EYS: variants seen among roughly 807,000 people sequenced by gnomAD.
EYS encodes EGF-like photoreceptor maintenance factor.
A neutral mutation model predicts 282.1 loss-of-function variants in EYS; 250 were observed. The observed-to-expected ratio is 0.89, with a 90% confidence interval of 0.80 to 0.98. The LOEUF is 0.98. Ranked by LOEUF, EYS falls within the 50% of genes least tolerant of loss-of-function variation. The pLI is 0.00. For missense variants in EYS, 4,016 were observed against 3,709.0 expected (o/e 1.08, Z -2.15); for synonymous variants, 1,355 against 1,282.9 (o/e 1.06, Z -1.20).
intron 41 of EYS, among the ~76,000 whole-genome samples, chr6:63,758,868 A>G (rs1275150298): frequency 6.6e-6 from 1 of 152,040 alleles, no homozygotes; most frequent in Admixed American, 6.6e-5. Flanking sequence ...ATCATTGTCA[A>G]TCATCTCAGT....
At chr6:65,397,021 C>A (rs1247220944) in intron 7 of EYS, among the ~76,000 whole-genome samples, 1 of 151,790 alleles carries the variant, frequency 6.6e-6, no homozygotes, top group Admixed American at 6.6e-5. Context: ...TTTTTATCAT[C>A]CTAACTCATG....
intron 35 of EYS, among the ~76,000 whole-genome samples, chr6:63,917,643 G>C (rs1764459711): frequency 6.6e-6 from 1 of 152,168 alleles, no homozygotes; most frequent in Admixed American, 6.5e-5. Context: ...AATGTCAAAT[G>C]GCAGGAATTG....
intron 41 of EYS, among the ~76,000 whole-genome samples, chr6:63,758,469 A>G (rs889191649): frequency 6.6e-6 from 1 of 151,964 alleles, no homozygotes; most frequent in African/African-American, 2.4e-5. Flanking sequence ...TCTCTGTAGG[A>G]GGCGACTAAT....
At chr6:63,880,894 A>T (rs932061910) in intron 35 of EYS, among the ~76,000 whole-genome samples, 2 of 152,316 alleles carry the variant, frequency 1.3e-5, no homozygotes, top group African/African-American at 4.8e-5. Flanking sequence ...TTTAAAAGCC[A>T]TGTACAATGG....
At chr6:64,523,153 G>A (rs1161382916) in intron 26 of EYS, among the ~76,000 whole-genome samples, 1 of 151,388 alleles carries the variant, frequency 6.6e-6, no homozygotes, top group African/African-American at 2.4e-5. Context: ...CTCTTGTTTT[G>A]CTACTCATGG....
intron 19 of EYS, among the ~76,000 whole-genome samples, chr6:64,825,138 A>G (rs191362902): frequency 5.3e-5 from 8 of 152,024 alleles, no homozygotes; most frequent in Admixed American, 3.9e-4. Context: ...TTGTACTTTT[A>G]TTCCCTTTCT....
intron 26 of EYS, among the ~76,000 whole-genome samples, chr6:64,576,662 T>A (rs1765890655): frequency 1.3e-5 from 2 of 152,058 alleles, no homozygotes; most frequent in African/African-American, 4.8e-5. Context: ...CTTTTAAGCT[T>A]TCAAACAAAA....
chr6:64,444,422 T>C (rs1451139314), intron 26 of EYS, among the ~76,000 whole-genome samples: 1 of 152,166 alleles, frequency 6.6e-6, no homozygotes, highest in Non-Finnish European at 1.5e-5. Context: ...TTATAGCTTT[T>C]AGAAAGAAAT....
chr6:63,740,495 A>T (rs560175251), intron 41 of EYS, among the ~76,000 whole-genome samples: 1 of 152,192 alleles, frequency 6.6e-6, no homozygotes, highest in Non-Finnish European at 1.5e-5. Context: ...ACTAATACAG[A>T]TCCTGACTTT....
At chr6:65,567,661 G>T (rs1764324367) in intron 2 of EYS, among the ~76,000 whole-genome samples, 1 of 151,890 alleles carries the variant, frequency 6.6e-6, no homozygotes, top group Non-Finnish European at 1.5e-5. Flanking sequence ...CCTTACACTT[G>T]GTGAAGTTAT....
At chr6:64,151,681 G>A (rs1774744931) in intron 31 of EYS, among the ~76,000 whole-genome samples, 1 of 151,762 alleles carries the variant, frequency 6.6e-6, no homozygotes, top group South Asian at 2.1e-4. Flanking sequence ...ATTTAAATAA[G>A]TATATATATC....
chr6:65,696,900 AAAGGT>A (rs1769476229), intron 1 of EYS, among the ~76,000 whole-genome samples: 1 of 152,052 alleles, frequency 6.6e-6, no homozygotes, highest in Non-Finnish European at 1.5e-5. Context: ...TTCTTCTGCT[AAAGGT>A]AAGAGCTATC....
chr6:65,604,071 T>C (rs1378871954), intron 2 of EYS, among the ~76,000 whole-genome samples: 6 of 151,918 alleles, frequency 3.9e-5, no homozygotes, highest in Admixed American at 3.9e-4. Context: ...ATAGGAATAC[T>C]GACTTATTAT....
chr6:65,532,339 A>AAG (rs1345775377), intron 2 of EYS, among the ~76,000 whole-genome samples: 8 of 152,146 alleles, frequency 5.3e-5, no homozygotes, highest in Non-Finnish European at 4.4e-5. Context: ...TCAAGTCATA[A>AAG]TATTTTTCTT....
At position 65,367,981 on chromosome 6, in the gene EYS, T is replaced by G. The variant is rs146734653; in HGVS notation, c.1300-14364A>C. On this transcript the variant is annotated intron_variant, in intron 8 of 42. Transcript: ENST00000503581. ...TGGGTAATTTATAAGGGATAGAGAT[T>G]TAATTGCCTCACAGTTCAGCATGGG... Among the ~76,000 whole-genome samples the G allele has an allele frequency of 6.6e-3, 1,002 of 151,742 alleles. 94 individuals carry two copies. Among genetic ancestry groups the G allele is most frequent in the Admixed American group, 0.062 (920 of 14,926 alleles).
chr6:64,235,315 C>T (rs1006648396), intron 30 of EYS, among the ~76,000 whole-genome samples: 1 of 150,892 alleles, frequency 6.6e-6, no homozygotes, highest in African/African-American at 2.4e-5. Flanking sequence ...GTTCAATTCC[C>T]ACCTATGAGT....
At chr6:65,328,343 A>G (rs1769682071) in intron 11 of EYS, among the ~76,000 whole-genome samples, 1 of 151,400 alleles carries the variant, frequency 6.6e-6, no homozygotes, top group African/African-American at 2.4e-5. Flanking sequence ...TCACCCAACC[A>G]TGTACTAGTA....
chr6:63,737,294 T>G (rs1431636505), intron 41 of EYS, among the ~76,000 whole-genome samples: 5 of 152,110 alleles, frequency 3.3e-5, no homozygotes, highest in Non-Finnish European at 7.3e-5. Flanking sequence ...GTTTTTAGCA[T>G]GAAGTGTTGT....
chr6:64,835,709 C>T (rs920980507), intron 19 of EYS, among the ~76,000 whole-genome samples: 4 of 151,534 alleles, frequency 2.6e-5, no homozygotes, highest in Admixed American at 6.6e-5. Context: ...TGGGTTTCAA[C>T]ACATAGAGTC....
Sources: allele counts gnomAD v4.1 joint callset (sites outside exome capture counted in the v4.1 genomes callset), GRCh38; gene constraint gnomAD v4.1.1; transcripts MANE v1.5; gene names NCBI Gene and HGNC (gene_info 2026-07-23, HGNC 2026-07-21).